The following MAP4K5 variants were observed in gnomAD, a reference collection of about 807,000 sequenced individuals.
MAP4K5 encodes mitogen-activated protein kinase kinase kinase kinase 5.
Under a neutral mutation model 135.6 loss-of-function variants are expected in MAP4K5, and 82 were observed. The ratio of observed to expected loss-of-function variants is 0.60; its 90% confidence interval spans 0.51 to 0.73. MAP4K5 has a LOEUF of 0.73. Ranked by LOEUF, MAP4K5 falls within the 30% of genes least tolerant of loss-of-function variation. The pLI is 0.00. For missense variants in MAP4K5, 907 were observed against 1,010.9 expected (o/e 0.90, Z 1.39); for synonymous variants, 347 against 335.0 (o/e 1.04, Z -0.39).
chr14:50,435,511 T>A (rs1385607659), intron 26 of MAP4K5, among the ~76,000 whole-genome samples: 1 of 151,868 alleles, frequency 6.6e-6, no homozygotes, highest in African/African-American at 2.4e-5. Flanking sequence ...ACTATAGGTG[T>A]ATGCCACCAT....
At chr14:50,530,037 G>T (rs1026265176) in intron 2 of MAP4K5, among the ~76,000 whole-genome samples, 4 of 152,174 alleles carry the variant, frequency 2.6e-5, no homozygotes, top group Admixed American at 6.6e-5. Flanking sequence ...AAAAGACAAG[G>T]AGCTAAGAAC....
intron 3 of MAP4K5, among the ~76,000 whole-genome samples, chr14:50,495,135 A>T (rs1264111455): frequency 6.6e-6 from 1 of 152,326 alleles, no homozygotes; most frequent in Non-Finnish European, 1.5e-5. Flanking sequence ...TTGAAAAGGC[A>T]ACCTATAGAA....
At chr14:50,507,863 T>C (rs981244545) in intron 2 of MAP4K5, among the ~76,000 whole-genome samples, 1 of 152,182 alleles carries the variant, frequency 6.6e-6, no homozygotes, top group Non-Finnish European at 1.5e-5. Flanking sequence ...GTCTATTGGG[T>C]CTGCTTGGTG....
At chr14:50,498,863 C>A (rs2037648636) in intron 3 of MAP4K5, among the ~76,000 whole-genome samples, 1 of 152,246 alleles carries the variant, frequency 6.6e-6, no homozygotes, top group East Asian at 1.9e-4. Flanking sequence ...TAAATCAATA[C>A]AAGAAAGCAC....
At chr14:50,546,398 G>T (rs1395073654) in intron 1 of MAP4K5, among the ~76,000 whole-genome samples, 1 of 152,046 alleles carries the variant, frequency 6.6e-6, no homozygotes, top group Non-Finnish European at 1.5e-5. Context: ...GTGTGTGAGA[G>T]AGCATACATG....
chr14:50,473,478 T>G (rs1362349507), intron 9 of MAP4K5, among the ~76,000 whole-genome samples: 1 of 152,196 alleles, frequency 6.6e-6, no homozygotes, highest in African/African-American at 2.4e-5. Context: ...GACATTCTTT[T>G]TAACGACATA....
intron 13 of MAP4K5, among the ~76,000 whole-genome samples, chr14:50,458,279 T>C (rs1406353683): frequency 3.3e-5 from 5 of 152,178 alleles, no homozygotes; most frequent in African/African-American, 1.2e-4. Context: ...TCTCATGGAC[T>C]CTGCCTTTCC....
chr14:50,489,417 C>T (rs2037434686), intron 3 of MAP4K5, among the ~76,000 whole-genome samples: 1 of 152,170 alleles, frequency 6.6e-6, no homozygotes, highest in Non-Finnish European at 1.5e-5. Context: ...AAGGATGAGA[C>T]TAGTTGAGAA....
chr14:50,525,783 C>A (rs1253067391), intron 2 of MAP4K5, among the ~76,000 whole-genome samples: 2 of 152,096 alleles, frequency 1.3e-5, no homozygotes, highest in East Asian at 3.9e-4. Flanking sequence ...GGCGGAGGGT[C>A]TAGTGAGCTG....
chr14:50,448,203 C>T (rs111424189), intron 15 of MAP4K5, among the ~76,000 whole-genome samples: 5,079 of 152,020 alleles, frequency 0.033, 276 homozygotes, highest in African/African-American at 0.12. Context: ...TTAGTAAAGA[C>T]AGGGTTCTGC....
chr14:50,480,731 T>C (rs2037220773), intron 6 of MAP4K5, among the ~76,000 whole-genome samples: 1 of 152,142 alleles, frequency 6.6e-6, no homozygotes, highest in African/African-American at 2.4e-5. Flanking sequence ...CAGAGGGTAC[T>C]TGCATAAACA....
chr14:50,555,992 A>T (rs1210524383), intron 1 of MAP4K5, among the ~76,000 whole-genome samples: 3 of 152,206 alleles, frequency 2.0e-5, no homozygotes, highest in African/African-American at 7.2e-5. Context: ...CCAATGGAAG[A>T]AAAAATAATT....
intron 2 of MAP4K5, among the ~76,000 whole-genome samples, chr14:50,520,174 C>T (rs1272336277): frequency 6.6e-6 from 1 of 151,636 alleles, no homozygotes; most frequent in Admixed American, 6.6e-5. Context: ...ACCAGCTTGG[C>T]CAACATAGTG....
upstream of MAP4K5, chr14:50,533,499 A>G (rs1021562562): frequency 6.6e-6 from 1 of 152,154 alleles, no homozygotes; most frequent in Non-Finnish European, 1.5e-5. Context: ...GAGTTCGGGG[A>G]AGTAATTTGG....
At chr14:50,489,630 C>T (rs1438711174) in intron 3 of MAP4K5, among the ~76,000 whole-genome samples, 5 of 152,118 alleles carry the variant, frequency 3.3e-5, no homozygotes, top group Non-Finnish European at 1.5e-5. Flanking sequence ...GATCATAGCC[C>T]TCCTAACAAA....
At chr14:50,481,025 C>T (rs1406973115) in intron 6 of MAP4K5, among the ~76,000 whole-genome samples, 1 of 150,548 alleles carries the variant, frequency 6.6e-6, no homozygotes. Context: ...TAAAAGATTA[C>T]GGTCACATAC....
chr14:50,545,694 G>C (rs577123317), intron 1 of MAP4K5, among the ~76,000 whole-genome samples: 15 of 152,330 alleles, frequency 9.8e-5, no homozygotes, highest in African/African-American at 3.6e-4. Flanking sequence ...AGGCACATGC[G>C]AGTATCCATG....
chr14:50,430,380 C>T (rs2035941987), intron 28 of MAP4K5, among the ~76,000 whole-genome samples: 3 of 152,144 alleles, frequency 2.0e-5, no homozygotes. Flanking sequence ...ATACAGAACT[C>T]TCTAGAGACA....
chr14:50,516,585 A>G (rs554026913), intron 2 of MAP4K5, among the ~76,000 whole-genome samples: 4 of 152,356 alleles, frequency 2.6e-5, no homozygotes, highest in South Asian at 4.1e-4. Flanking sequence ...AAATGAAACT[A>G]TTACAGAGAC....
Sources: gnomAD v4.1 joint callset for allele counts (sites outside exome capture counted in the v4.1 genomes callset) on GRCh38, gnomAD v4.1.1 for gene constraint, MANE v1.5 for transcripts, NCBI Gene and HGNC (gene_info 2026-07-23, HGNC 2026-07-21) for gene names.